The following MASP1 variants were observed in gnomAD, a reference collection of about 807,000 sequenced individuals.
The protein encoded by MASP1 is mannan-binding lectin serine protease 1.
In MASP1, 59 loss-of-function variants were observed where a neutral mutation model predicts 77.1. The ratio of observed to expected loss-of-function variants is 0.77; its 90% CI spans 0.62 to 0.95. The LOEUF (loss-of-function observed/expected upper bound fraction) is 0.95. Ranked by LOEUF, MASP1 falls within the 40% of genes least tolerant of loss-of-function variation. The pLI is 0.00. For synonymous variants in MASP1, 362 were observed against 354.5 expected, an observed-to-expected ratio of 1.02 and a Z score of -0.24; for missense variants, 885 against 912.9, an observed-to-expected ratio of 0.97 and a Z score of 0.39.
rs531732690 is a variant in MASP1, at chr3:187,226,330, C to T, written c.1555+77G>A. On this transcript the variant is annotated intron_variant, in intron 12 of 15. Coordinates refer to the MASP1 transcript ENST00000337774. ...GAGTGAGCGAGTGAGTGAGCAGACA[C>T]GCCTTGGAAAGGGCCAGTAGGTCAT... The T allele has an allele frequency of 8.9e-5, 95 of 1,065,110 alleles. No homozygotes were observed. The East Asian group carries it at 1.3e-3, about 15-fold the overall frequency. 66.0% of individuals were successfully genotyped at this position (1,065,110 alleles called of 1,614,324 possible). A position where few individuals can be genotyped will look rare whatever the true frequency, so the allele number is the denominator to read the frequency against.
chr3:187,227,311 C>A (rs1712495446), intron 11 of MASP1, among the ~76,000 whole-genome samples: 1 of 152,142 alleles, frequency 6.6e-6, no homozygotes, highest in South Asian at 2.1e-4. Flanking sequence ...AGGGTCAGGG[C>A]CAGGGCCAGA....
At chr3:187,256,621 G>T in intron 5 of MASP1, 43 bp downstream of exon 5, 1 of 1,604,190 alleles carries the variant, frequency 6.2e-7, no homozygotes, top group Non-Finnish European at 8.5e-7. Context: ...ACTCAGCCAA[G>T]ATTTTCCAGC....
chr3:187,264,900 T>G (rs1715890259), intron 2 of MASP1, among the ~76,000 whole-genome samples: 1 of 152,122 alleles, frequency 6.6e-6, no homozygotes, highest in Admixed American at 6.5e-5. Flanking sequence ...GACCTCTGCT[T>G]TGGAGTAATA....
chr3:187,281,579 A>G (rs537425090), intron 2 of MASP1, among the ~76,000 whole-genome samples: 2 of 152,344 alleles, frequency 1.3e-5, no homozygotes, highest in South Asian at 4.1e-4. Flanking sequence ...CCACCAAGGC[A>G]TCCCCAGCAG....
At chr3:187,265,828 G>A (rs73886132) in intron 2 of MASP1, among the ~76,000 whole-genome samples, 1 of 152,050 alleles carries the variant, frequency 6.6e-6, no homozygotes, top group East Asian at 1.9e-4. Flanking sequence ...AATTTTCCTG[G>A]CTCAAAGGCC....
intron 13 of MASP1, among the ~76,000 whole-genome samples, chr3:187,225,036 T>A (rs1712330563): frequency 6.6e-6 from 1 of 152,204 alleles, no homozygotes; most frequent in African/African-American, 2.4e-5. Flanking sequence ...CTCTTCCCTC[T>A]TACTTCTCCA....
intron 2 of MASP1, among the ~76,000 whole-genome samples, chr3:187,280,682 T>C (rs1717339497): frequency 6.6e-6 from 1 of 152,254 alleles, no homozygotes; most frequent in South Asian, 2.1e-4. Context: ...AGAGACAATA[T>C]TTGTCTTATG....
At chr3:187,288,285 G>T (rs1391080933) in intron 1 of MASP1, among the ~76,000 whole-genome samples, 2 of 152,174 alleles carry the variant, frequency 1.3e-5, no homozygotes, top group African/African-American at 4.8e-5. Context: ...CTGTGAATTA[G>T]TTGGAAAGCT....
At chr3:187,228,069 T>C (rs772155513) in intron 11 of MASP1, among the ~76,000 whole-genome samples, 1 of 152,048 alleles carries the variant, frequency 6.6e-6, no homozygotes, top group Non-Finnish European at 1.5e-5. Context: ...GGTAGAGAAG[T>C]GAACGTCAAA....
intron 13 of MASP1, chr3:187,223,249 G>A (rs1458474129): frequency 2.2e-5 from 31 of 1,414,640 alleles, no homozygotes; most frequent in Non-Finnish European, 3.1e-5. Flanking sequence ...GGTGTTTGGA[G>A]GGGTGCAGCT....
chr3:187,289,907 C>T (rs1024474290), intron 1 of MASP1, among the ~76,000 whole-genome samples: 8 of 152,198 alleles, frequency 5.3e-5, no homozygotes, highest in Non-Finnish European at 8.8e-5. Context: ...TGAGACAGTG[C>T]TCTTGAAAGT....
At chr3:187,225,288 C>T in intron 13 of MASP1, 1 of 1,610,556 alleles carries the variant, frequency 6.2e-7, no homozygotes, top group Non-Finnish European at 8.5e-7. Flanking sequence ...GTGGAGGCAC[C>T]AGCTGCCCTG....
intron 6 of MASP1, 79 bp from the exon 7 acceptor site, chr3:187,251,831 G>GC: frequency 9.3e-7 from 1 of 1,073,874 alleles, no homozygotes; most frequent in Non-Finnish European, 1.5e-6. Context: ...AGAAAGCAAG[G>GC]CCTGATGAAG....
chr3:187,231,673 C>T (rs1408274208), downstream of MASP1, among the ~76,000 whole-genome samples: 2 of 152,206 alleles, frequency 1.3e-5, no homozygotes, highest in Non-Finnish European at 2.9e-5. Context: ...ACTGTGGCTC[C>T]CAAGCCATTG....
intron 11 of MASP1, among the ~76,000 whole-genome samples, chr3:187,227,298 T>TTCAGGG (rs1396172681): frequency 4.6e-5 from 7 of 152,306 alleles, no homozygotes; most frequent in Middle Eastern, 3.4e-3. Context: ...GCAGGTTGGT[T>TTCAGGG]TCAGGGTCAG....
chr3:187,245,893 C>T (rs1048903513), intron 8 of MASP1, among the ~76,000 whole-genome samples: 3 of 152,198 alleles, frequency 2.0e-5, no homozygotes, highest in Non-Finnish European at 4.4e-5. Flanking sequence ...ACCTACAGTT[C>T]CAAGTGTGCT....
Position 187,236,417 on chromosome 3 carries a change from G to T in MASP1, c.1454C>A (p.Ala485Asp), listed in dbSNP as rs770919831. 1.2e-6 allele frequency: 2 copies of T among 1,614,198 alleles called. No homozygotes were observed. Among genetic ancestry groups the T allele is most frequent in the Non-Finnish European group, 1.7e-6 (2 of 1,180,040 alleles). Residue 485 changes from alanine (A) to aspartate (D), a missense_variant, in exon 11 of 11, where the codon GCC (alanine) becomes GAC (aspartate). By Grantham distance (126) the Ala-to-Asp change is moderately radical. Coordinates refer to ENST00000296280, the MANE Select transcript of MASP1 (RefSeq NM_139125.4). The stretch of plus-strand genomic sequence containing the variant: ...GAGGATCCAGGACGCAGAGAGCAGG[G>T]CCCCACTCCCAAACCACTTGTCATT... The part of the protein sequence containing the change: ...VPNDKWFGSG[A>D]LLSASWILTA...
At chr3:187,219,895 C>T in exon 16 of MASP1, 1 of 679,134 alleles carries the variant, frequency 1.5e-6, no homozygotes, top group Middle Eastern at 4.0e-4. Flanking sequence ...TCTCTTGCTC[C>T]ATCTCTTTAA....
At chr3:187,229,749 C>G (rs540384495), downstream of MASP1, 1 of 1,613,972 alleles carries the variant, frequency 6.2e-7, no homozygotes, top group South Asian at 1.1e-5. Flanking sequence ...CCCCTTCCAC[C>G]TTCTCCCTAC....
Sources: allele counts gnomAD v4.1 joint callset (sites outside exome capture counted in the v4.1 genomes callset), GRCh38; gene constraint gnomAD v4.1.1; transcripts MANE v1.5; gene names NCBI Gene and HGNC (gene_info 2026-07-23, HGNC 2026-07-21).